The following NDUFAF2 variants were observed in gnomAD, a reference collection of about 807,000 sequenced individuals.
NDUFAF2 encodes NADH:ubiquinone oxidoreductase complex assembly factor 2.
In NDUFAF2, 13 loss-of-function variants were observed where a neutral mutation model predicts 22.8. That is an observed-to-expected ratio of 0.57 (90% CI 0.37 to 0.91). The LOEUF is 0.91. Ranked by LOEUF, NDUFAF2 falls within the 40% of genes least tolerant of loss-of-function variation. NDUFAF2 has a pLI of 0.01. For missense variants in NDUFAF2, 162 were observed against 195.2 expected (o/e 0.83, Z 1.01); for synonymous variants, 53 against 64.2 (o/e 0.83, Z 0.84).
At chr5:60,951,463 C>T (rs1041978831) in intron 1 of NDUFAF2, among the ~76,000 whole-genome samples, 3 of 152,166 alleles carry the variant, frequency 2.0e-5, no homozygotes, top group African/African-American at 7.2e-5. Flanking sequence ...ATAAATATTC[C>T]TGTGCAGTTT....
intron 1 of NDUFAF2, among the ~76,000 whole-genome samples, chr5:61,037,115 A>G (rs73759461): frequency 0.017 from 2,589 of 152,278 alleles, 79 homozygotes; most frequent in African/African-American, 0.059. Flanking sequence ...GTGTGGGAGA[A>G]GAGACCACCA....
At chr5:61,087,584 A>C (rs919112625) in intron 2 of NDUFAF2, among the ~76,000 whole-genome samples, 2 of 152,198 alleles carry the variant, frequency 1.3e-5, no homozygotes, top group African/African-American at 4.8e-5. Context: ...ACTACTTTGG[A>C]AAACAGTTTA....
chr5:61,060,431 C>A (rs1279481530), intron 1 of NDUFAF2, among the ~76,000 whole-genome samples: 1 of 152,142 alleles, frequency 6.6e-6, no homozygotes, highest in Non-Finnish European at 1.5e-5. Context: ...TTCTAAACCT[C>A]CTTTTGTATG....
intron 1 of NDUFAF2, among the ~76,000 whole-genome samples, chr5:60,949,310 AC>A: frequency 6.6e-6 from 1 of 152,296 alleles, no homozygotes; most frequent in South Asian, 2.1e-4. Context: ...ACCATATGTA[AC>A]CTTTTGAACC....
chr5:61,101,435 A>G (rs1045100817), intron 3 of NDUFAF2, among the ~76,000 whole-genome samples: 1 of 152,136 alleles, frequency 6.6e-6, no homozygotes, highest in Non-Finnish European at 1.5e-5. Context: ...TAAATCTTTC[A>G]GTCTATCCTC....
chr5:61,051,466 C>T (rs1752023100), intron 1 of NDUFAF2, among the ~76,000 whole-genome samples: 1 of 152,064 alleles, frequency 6.6e-6, no homozygotes, highest in Non-Finnish European at 1.5e-5. Flanking sequence ...CTTGGTATGC[C>T]TCCAGGAATG....
At chr5:60,971,467 T>A (rs537012052) in intron 1 of NDUFAF2, among the ~76,000 whole-genome samples, 1 of 151,990 alleles carries the variant, frequency 6.6e-6, no homozygotes, top group East Asian at 1.9e-4. Context: ...TTTTGTATTT[T>A]TAGTAGAAAC....
At chr5:61,034,767 T>C (rs1751774543) in intron 1 of NDUFAF2, among the ~76,000 whole-genome samples, 1 of 152,074 alleles carries the variant, frequency 6.6e-6, no homozygotes, top group Non-Finnish European at 1.5e-5. Flanking sequence ...TTGCTCAAAT[T>C]AGTAAAATAT....
At chr5:61,110,942 A>T (rs1432250543) in intron 3 of NDUFAF2, among the ~76,000 whole-genome samples, 1 of 151,896 alleles carries the variant, frequency 6.6e-6, no homozygotes, top group Non-Finnish European at 1.5e-5. Flanking sequence ...TTTTTGGTGT[A>T]GGCTCTTATA....
rs371866437 is a variant in NDUFAF2 at position 61,093,683 on chromosome 5, C to T, written c.218-5309C>T. On this transcript the variant is annotated intron_variant, in intron 2 of 3. Transcript: ENST00000296597. ...GCTAGTACTTTGTTGAGGATTTTTG[C>T]ATTGACATTCATCAAGGATATTGGC... Among the ~76,000 whole-genome samples, 19 of 152,314 alleles carry T rather than the reference C, an allele frequency of 1.2e-4. No homozygotes were observed. In the East Asian group the frequency reaches 2.7e-3, roughly 22 times the overall value.
At chr5:61,107,964 A>T (rs1752789444) in intron 3 of NDUFAF2, among the ~76,000 whole-genome samples, 1 of 150,382 alleles carries the variant, frequency 6.6e-6, no homozygotes, top group Non-Finnish European at 1.5e-5. Context: ...ATGATTTCCA[A>T]TTTCATCCAT....
At chr5:61,063,555 T>G (rs1752192727) in intron 1 of NDUFAF2, among the ~76,000 whole-genome samples, 1 of 151,888 alleles carries the variant, frequency 6.6e-6, no homozygotes, top group Non-Finnish European at 1.5e-5. Flanking sequence ...CTACAATAAG[T>G]TGTTAAGGAA....
intron 2 of NDUFAF2, among the ~76,000 whole-genome samples, chr5:61,097,219 G>T (rs76810564): frequency 0.01 from 1,519 of 149,468 alleles, 24 homozygotes; most frequent in African/African-American, 0.035. Context: ...TCCTTGGTTT[G>T]CAGTGAGGTT....
chr5:61,033,265 G>A (rs1282671879), intron 1 of NDUFAF2, among the ~76,000 whole-genome samples: 1 of 152,088 alleles, frequency 6.6e-6, no homozygotes, highest in Non-Finnish European at 1.5e-5. Flanking sequence ...TCACATAGAT[G>A]ACTTTAAAAA....
chr5:60,996,902 T>G (rs1751235380), intron 1 of NDUFAF2, among the ~76,000 whole-genome samples: 1 of 152,140 alleles, frequency 6.6e-6, no homozygotes, highest in South Asian at 2.1e-4. Flanking sequence ...AGTGCCTCTT[T>G]CCGGGATATG....
At chr5:61,021,449 T>G (rs1387904904) in intron 1 of NDUFAF2, among the ~76,000 whole-genome samples, 1 of 152,152 alleles carries the variant, frequency 6.6e-6, no homozygotes, top group Non-Finnish European at 1.5e-5. Flanking sequence ...TTACATTGAG[T>G]CCACCCAGGT....
chr5:61,048,933 G>A (rs1751989074), intron 1 of NDUFAF2, among the ~76,000 whole-genome samples: 1 of 152,090 alleles, frequency 6.6e-6, no homozygotes, highest in South Asian at 2.1e-4. Flanking sequence ...TTTTCAGGCT[G>A]CGTGGTTATG....
intron 2 of NDUFAF2, among the ~76,000 whole-genome samples, chr5:61,089,069 T>C (rs1174681790): frequency 3.9e-5 from 6 of 152,152 alleles, no homozygotes; most frequent in Non-Finnish European, 5.9e-5. Flanking sequence ...GTATGCTTCA[T>C]GAAGTATTTT....
At chr5:61,016,782 G>A (rs1030454729) in intron 1 of NDUFAF2, among the ~76,000 whole-genome samples, 17 of 152,174 alleles carry the variant, frequency 1.1e-4, no homozygotes, top group African/African-American at 4.1e-4. Flanking sequence ...CATCAACATG[G>A]CTTATAAATC....
Sources: gnomAD v4.1 joint callset for allele counts (sites outside exome capture counted in the v4.1 genomes callset) on GRCh38, gnomAD v4.1.1 for gene constraint, MANE v1.5 for transcripts, NCBI Gene and HGNC (gene_info 2026-07-23, HGNC 2026-07-21) for gene names.